Variants in TULP3 observed in about 807,000 individuals in gnomAD.
TULP3 encodes the protein tubby-related protein 3.
Under a neutral mutation model 50.7 loss-of-function variants are expected in TULP3, and 38 were observed. The observed-to-expected ratio is 0.75, with a 90% CI of 0.58 to 0.98. TULP3 has a LOEUF of 0.98. Ranked by LOEUF, TULP3 falls within the 50% of genes least tolerant of loss-of-function variation. The pLI, the probability that TULP3 is intolerant of heterozygous loss-of-function variation, is 0.00. For missense variants in TULP3, 550 were observed against 568.0 expected, an observed-to-expected ratio of 0.97 and a Z score of 0.32; for synonymous variants, 183 against 196.6, an observed-to-expected ratio of 0.93 and a Z score of 0.58.
At chr12:2,893,095 T>C (rs1410477851) in intron 1 of TULP3, among the ~76,000 whole-genome samples, 2 of 150,834 alleles carry the variant, frequency 1.3e-5, no homozygotes, top group Non-Finnish European at 3.0e-5. Flanking sequence ...CGAAGTGAGC[T>C]CAAGTGATCT....
intron 1 of TULP3, 84 bp downstream of exon 1, chr12:2,891,072 C>A: frequency 7.1e-7 from 1 of 1,398,928 alleles, no homozygotes; most frequent in Non-Finnish European, 9.4e-7. Context: ...GGGAGCCCTG[C>A]GGGGAGAGGG....
Position 2,939,533 on chromosome 12 carries a change from A to C in TULP3, c.*89A>C, listed in dbSNP as rs2098203453. 1.9e-6 allele frequency: 3 copies of C among 1,562,536 alleles called. No homozygotes were observed. The highest frequency in any genetic ancestry group is 2.6e-6 in the Non-Finnish European group (3 of 1,159,764). Reference sequence around the variant, plus strand: ...CTTCCCCTCCCTGCCCCAGGACTTAAAGAGCAATAGTTTGCCCCTTTTGGA... The same window carrying C: ...CTTCCCCTCCCTGCCCCAGGACTTACAGAGCAATAGTTTGCCCCTTTTGGA... On this transcript the variant is annotated 3_prime_UTR_variant, in exon 11 of 11. Transcript: ENST00000448120. This position sits in a 1 kb window ranked among gnomAD's most constrained non-coding sequence, Gnocchi z 4.0.
chr12:2,925,024 C>G (rs1440688833), intron 4 of TULP3, among the ~76,000 whole-genome samples: 1 of 151,858 alleles, frequency 6.6e-6, no homozygotes, highest in Non-Finnish European at 1.5e-5. Context: ...AAAAATTAGC[C>G]AGGTGTGGTG....
chr12:2,918,889 A>ATT (rs879656147), intron 2 of TULP3, among the ~76,000 whole-genome samples: 1 of 142,062 alleles, frequency 7.0e-6, no homozygotes, highest in Non-Finnish European at 1.5e-5. Context: ...TGCTAGAAGA[A>ATT]TTTTTTTTTT....
intron 1 of TULP3, among the ~76,000 whole-genome samples, chr12:2,904,468 G>T (rs907590053): frequency 3.9e-5 from 6 of 152,172 alleles, no homozygotes; most frequent in Admixed American, 2.0e-4. Flanking sequence ...CTCCTGAGTA[G>T]CTGGGACCAC....
At chr12:2,924,635 C>A (rs2098193651) in intron 4 of TULP3, among the ~76,000 whole-genome samples, 1 of 151,076 alleles carries the variant, frequency 6.6e-6, no homozygotes, top group Admixed American at 6.6e-5. Flanking sequence ...GAGCTATGAT[C>A]ATGCCACAGC....
At chr12:2,935,192 C>T (rs1215855295) in intron 8 of TULP3, among the ~76,000 whole-genome samples, 1 of 152,138 alleles carries the variant, frequency 6.6e-6, no homozygotes, top group Admixed American at 6.6e-5. Flanking sequence ...TGGCATGCCC[C>T]TCCTTCCCAT....
intron 6 of TULP3, among the ~76,000 whole-genome samples, chr12:2,932,937 A>AT (rs2098198967): frequency 1.3e-5 from 2 of 149,522 alleles, no homozygotes; most frequent in Non-Finnish European, 3.0e-5. Context: ...GAATTATTTT[A>AT]TTTTTATTTT....
chr12:2,903,808 C>G (rs537308195), intron 1 of TULP3, among the ~76,000 whole-genome samples: 2 of 152,016 alleles, frequency 1.3e-5, no homozygotes, highest in East Asian at 3.9e-4. Context: ...GAGATGAAGC[C>G]TAGCTCTGTT....
chr12:2,932,617 T>C (rs2098198779), intron 6 of TULP3, among the ~76,000 whole-genome samples: 1 of 145,544 alleles, frequency 6.9e-6, no homozygotes, highest in South Asian at 2.2e-4. Context: ...CAGTAAAGAA[T>C]GGGAAGGTTT....
chr12:2,915,652 C>T (rs1256566648), intron 2 of TULP3, among the ~76,000 whole-genome samples: 1 of 151,502 alleles, frequency 6.6e-6, no homozygotes, highest in East Asian at 1.9e-4. Flanking sequence ...TCAAGCGATT[C>T]TCCTCCCTCA....
chr12:2,930,354 T>G lies in TULP3; in HGVS notation c.492+9T>G. 1 of 1,575,700 alleles carries G rather than the reference T, an allele frequency of 6.3e-7. No individual in the cohort carries two copies. The highest frequency in any genetic ancestry group is 8.7e-7 in the Non-Finnish European group (1 of 1,150,308). On this transcript the variant is annotated intron_variant, in intron 5 of 10. Coordinates refer to ENST00000448120, the MANE Select transcript of TULP3 (RefSeq NM_003324.5). ...CAAGCCAGAATTCAACCGTATGTAGTTCTGAAACTTCTTCCATTAGAGCTA... is the reference window on the plus strand; with the variant it reads ...CAAGCCAGAATTCAACCGTATGTAGGTCTGAAACTTCTTCCATTAGAGCTA...
At chr12:2,899,716 A>AC in intron 1 of TULP3, among the ~76,000 whole-genome samples, 1 of 151,870 alleles carries the variant, frequency 6.6e-6, no homozygotes, top group Admixed American at 6.6e-5. Context: ...ACACAGTGAA[A>AC]CCCTGTCTCT....
In TULP3 at chr12:2,940,913, C is replaced by G. The variant is rs555469931; in HGVS notation, c.*1469C>G. ...CCCCCACCCCATCCTGAGGCACTGCCTGGCAGATAACCCTGGTTGGCCACA... is the reference window on the plus strand; with the variant it reads ...CCCCCACCCCATCCTGAGGCACTGCGTGGCAGATAACCCTGGTTGGCCACA... On this transcript the variant is annotated 3_prime_UTR_variant, in exon 11 of 11. Transcript: ENST00000448120. 5.9e-4 allele frequency: 348 copies of G among 590,916 alleles called. 5 individuals carry two copies. In the South Asian group the frequency reaches 7.1e-3, roughly 12 times the overall value. The allele number at this position is 590,916 out of a possible 1,614,324, so 36.6% of individuals were successfully genotyped here. A position where few individuals can be genotyped will look rare whatever the true frequency, so the allele number is the denominator to read the frequency against.
In TULP3 at chr12:2,905,187, C is replaced by CTTT. The variant is rs140761867; in HGVS notation, c.42-4332_42-4330dup. Reference sequence around the variant, plus strand: ...CAGATTGAATATGTCTATAAAATATCTTTTTTTTTTTTCCTTTGAGACAGA... The same window carrying CTTT: ...CAGATTGAATATGTCTATAAAATATCTTTTTTTTTTTTTTTCCTTTGAGACAGA... On this transcript the variant is annotated intron_variant, in intron 1 of 10. Coordinates refer to ENST00000448120, the MANE Select transcript of TULP3 (RefSeq NM_003324.5). Among the ~76,000 whole-genome samples, 939 of 143,422 alleles carry CTTT rather than the reference C, an allele frequency of 6.5e-3. 14 individuals carry two copies. Among genetic ancestry groups the CTTT allele is most frequent in the African/African-American group, 0.021 (800 of 38,682 alleles). The allele number at this position is 143,422 out of a possible 152,430, so 94.1% of individuals were successfully genotyped here.
intron 1 of TULP3, among the ~76,000 whole-genome samples, chr12:2,897,437 AAC>A (rs1480568021): frequency 3.9e-5 from 6 of 152,184 alleles, no homozygotes; most frequent in African/African-American, 1.4e-4. Context: ...AGATTAAGGT[AAC>A]ACATTCATTT....
chr12:2,892,746 G>GCA (rs2098172917), intron 1 of TULP3, among the ~76,000 whole-genome samples: 1 of 151,376 alleles, frequency 6.6e-6, no homozygotes. Context: ...TCTTGACCTG[G>GCA]TGATCTGCCC....
chr12:2,898,521 A>G (rs1334443242), intron 1 of TULP3, among the ~76,000 whole-genome samples: 1 of 152,136 alleles, frequency 6.6e-6, no homozygotes, highest in Non-Finnish European at 1.5e-5. Context: ...TGGGCCATAC[A>G]GTCTCTGTCC....
intron 2 of TULP3, among the ~76,000 whole-genome samples, chr12:2,918,246 C>T (rs4766005): frequency 0.48 from 72,876 of 150,670 alleles, 18,092 homozygotes; most frequent in African/African-American, 0.61. Flanking sequence ...CCCAAGTAGC[C>T]GGGATTACAG....
Sources: allele counts gnomAD v4.1 joint callset (sites outside exome capture counted in the v4.1 genomes callset), GRCh38; gene constraint gnomAD v4.1.1; non-coding constraint Gnocchi (gnomAD v3.1); transcripts MANE v1.5; gene names NCBI Gene and HGNC (gene_info 2026-07-23, HGNC 2026-07-21).